LRRC3B: variants seen among roughly 807,000 people sequenced by gnomAD.
LRRC3B encodes leucine rich repeat containing 3B, also known as leucine-rich repeat-containing protein 3B.
LRRC3B carries 2 observed loss-of-function variants against 12.8 expected under a neutral mutation model. The observed-to-expected ratio is 0.16, with a 90% CI of 0.06 to 0.49. LRRC3B has a LOEUF of 0.49. Ranked by LOEUF, LRRC3B falls within the 20% of genes least tolerant of loss-of-function variation. The probability of loss-of-function intolerance (pLI) is 0.96; values close to 1 mark genes in which losing one functional copy is unlikely to be tolerated. For synonymous variants in LRRC3B, 132 were observed against 122.0 expected (o/e 1.08, Z -0.54); for missense variants, 189 against 319.4 (o/e 0.59, Z 3.11).
chr3:26,699,507 CTG>C (rs1443778941), intron 1 of LRRC3B, among the ~76,000 whole-genome samples: 2 of 152,070 alleles, frequency 1.3e-5, no homozygotes, highest in African/African-American at 4.8e-5. Context: ...GATCTCAATC[CTG>C]TGTTTTTCCC....
chr3:26,630,106 C>CA (rs1177713499), intron 1 of LRRC3B, among the ~76,000 whole-genome samples: 11 of 149,126 alleles, frequency 7.4e-5, no homozygotes, highest in Middle Eastern at 3.4e-3. Flanking sequence ...TAAGAGAAGA[C>CA]AAAAAAAAGA....
At chr3:26,653,159 A>G (rs1294783986) in intron 1 of LRRC3B, among the ~76,000 whole-genome samples, 1 of 152,172 alleles carries the variant, frequency 6.6e-6, no homozygotes, top group Non-Finnish European at 1.5e-5. Flanking sequence ...TGAGGAAACA[A>G]AAATGACTAA....
chr3:26,686,171 C>T (rs1700084858), intron 1 of LRRC3B, among the ~76,000 whole-genome samples: 1 of 152,012 alleles, frequency 6.6e-6, no homozygotes, highest in Non-Finnish European at 1.5e-5. Context: ...GCTCCGCCTC[C>T]CGGGTTCACG....
At chr3:26,684,764 G>A (rs757526993) in intron 1 of LRRC3B, among the ~76,000 whole-genome samples, 8 of 152,128 alleles carry the variant, frequency 5.3e-5, no homozygotes, top group Non-Finnish European at 7.4e-5. Context: ...ATGTCAACAC[G>A]TGTTTTGGAG....
At chr3:26,650,158 G>A (rs897812372) in intron 1 of LRRC3B, among the ~76,000 whole-genome samples, 12 of 152,128 alleles carry the variant, frequency 7.9e-5, no homozygotes, top group African/African-American at 2.9e-4. Flanking sequence ...AGCTTTGTGT[G>A]TCTCCACTTA....
chr3:26,683,611 G>T (rs920978726), intron 1 of LRRC3B, among the ~76,000 whole-genome samples: 1 of 152,192 alleles, frequency 6.6e-6, no homozygotes, highest in Non-Finnish European at 1.5e-5. Flanking sequence ...GAAGGCTGTG[G>T]CTGGGTGGAA....
At chr3:26,644,615 CAATGAAATAT>C (rs924467798) in intron 1 of LRRC3B, among the ~76,000 whole-genome samples, 27 of 152,010 alleles carry the variant, frequency 1.8e-4, no homozygotes, top group African/African-American at 6.5e-4. Flanking sequence ...AGAGATATGA[CAATGAAATAT>C]AATGTGTGAT....
At chr3:26,628,929 G>A (rs7638935) in intron 1 of LRRC3B, among the ~76,000 whole-genome samples, 36,132 of 151,164 alleles carry the variant, frequency 0.24, 4,482 homozygotes, top group African/African-American at 0.29. Flanking sequence ...GAAAGGTTAT[G>A]AAATTTACAG....
chr3:26,631,856 T>C (rs1698764024), intron 1 of LRRC3B, among the ~76,000 whole-genome samples: 1 of 152,204 alleles, frequency 6.6e-6, no homozygotes, highest in Admixed American at 6.5e-5. Context: ...AGAGGGAAAT[T>C]AGGAGTTAAA....
intron 1 of LRRC3B, among the ~76,000 whole-genome samples, chr3:26,637,197 C>T (rs1286386615): frequency 1.3e-5 from 2 of 151,602 alleles, no homozygotes; most frequent in Non-Finnish European, 2.9e-5. Flanking sequence ...ACTGTGTTGG[C>T]CAGGATGTGT....
Position 26,671,411 on chromosome 3 carries a change from G to C in LRRC3B, c.-160-38102G>C, listed in dbSNP as rs193177785. On this transcript the variant is annotated intron_variant, in intron 1 of 1. Coordinates refer to ENST00000396641, the Ensembl canonical transcript of LRRC3B. ...AGAGAGAGAGAGAGAGAGAGAGAGA[G>C]AGACGAAGTCTTGCTCTGTCGCCAG... Among the ~76,000 whole-genome samples the C allele has an allele frequency of 1.6e-3, 216 of 132,884 alleles. 7 individuals are homozygous for C. Among genetic ancestry groups the C allele is most frequent in the Non-Finnish European group, 2.8e-3 (169 of 61,400 alleles). 87.2% of individuals were successfully genotyped at this position (132,884 alleles called of 152,430 possible). A position where few individuals can be genotyped will look rare whatever the true frequency, so the allele number is the denominator to read the frequency against.
chr3:26,692,783 C>T (rs1349004772), intron 1 of LRRC3B, among the ~76,000 whole-genome samples: 1 of 152,186 alleles, frequency 6.6e-6, no homozygotes, highest in Non-Finnish European at 1.5e-5. Context: ...TTTACAAATT[C>T]AGTGGCATTT....
chr3:26,691,105 G>GTATATATATATA (rs1553605090), intron 1 of LRRC3B, among the ~76,000 whole-genome samples: 7,419 of 84,408 alleles, frequency 0.088, 561 homozygotes, highest in Admixed American at 0.14. Context: ...GTGTGTGTGT[G>GTATATATATATA]TATATATATA....
At chr3:26,646,326 G>A (rs956698432) in intron 1 of LRRC3B, among the ~76,000 whole-genome samples, 3 of 152,094 alleles carry the variant, frequency 2.0e-5, no homozygotes, top group African/African-American at 7.2e-5. Flanking sequence ...AAAGCAATTT[G>A]AATTCATGTA....
chr3:26,632,927 G>C (rs1241625406), intron 1 of LRRC3B, among the ~76,000 whole-genome samples: 1 of 152,078 alleles, frequency 6.6e-6, no homozygotes, highest in Admixed American at 6.6e-5. Context: ...TCTGTGATCA[G>C]ATATTGTGTT....
chr3:26,676,823 G>T (rs544928428), intron 1 of LRRC3B, among the ~76,000 whole-genome samples: 4 of 152,308 alleles, frequency 2.6e-5, no homozygotes, highest in Admixed American at 1.3e-4. Flanking sequence ...CAATAGCAAA[G>T]ACTTGGAACC....
At chr3:26,634,679 G>A (rs1675680679) in intron 1 of LRRC3B, among the ~76,000 whole-genome samples, 1 of 152,180 alleles carries the variant, frequency 6.6e-6, no homozygotes, top group African/African-American at 2.4e-5. Flanking sequence ...ATCTGCACTT[G>A]CATTTGCGTA....
chr3:26,636,786 G>A (rs996184354), intron 1 of LRRC3B, among the ~76,000 whole-genome samples: 2 of 145,236 alleles, frequency 1.4e-5, no homozygotes, highest in Non-Finnish European at 3.0e-5. Context: ...TTTTTAACTG[G>A]AGAGTGCTGT....
At chr3:26,696,829 T>G (rs1251020713) in intron 1 of LRRC3B, among the ~76,000 whole-genome samples, 1 of 152,206 alleles carries the variant, frequency 6.6e-6, no homozygotes, top group Non-Finnish European at 1.5e-5. Context: ...CAAAGAAGAA[T>G]GTATCTGCAT....
Sources: allele counts gnomAD v4.1 joint callset (sites outside exome capture counted in the v4.1 genomes callset), GRCh38; gene constraint gnomAD v4.1.1; transcripts MANE v1.5; gene names NCBI Gene and HGNC (gene_info 2026-07-23, HGNC 2026-07-21).